The following MTMR4 variants were observed in gnomAD, a reference collection of about 807,000 sequenced individuals.
MTMR4 encodes the protein phosphatidylinositol-3,5-bisphosphate 3-phosphatase MTMR4.
In MTMR4, 30 loss-of-function variants were observed where a neutral mutation model predicts 125.5. The ratio of observed to expected loss-of-function variants is 0.24; its 90% CI spans 0.18 to 0.32. MTMR4 has a LOEUF of 0.32. Ranked by LOEUF, MTMR4 falls within the 10% of genes least tolerant of loss-of-function variation. The pLI is 1.00. For synonymous variants in MTMR4, 498 were observed against 564.5 expected, an observed-to-expected ratio of 0.88 and a Z score of 1.67; for missense variants, 1,039 against 1,511.5, an observed-to-expected ratio of 0.69 and a Z score of 5.18.
Position 58,504,234 on chromosome 17 carries a change from A to G in MTMR4, c.1528-14T>C. 1 of 1,603,322 alleles carries G rather than the reference A, an allele frequency of 6.2e-7. No individual in the cohort carries two copies. Among genetic ancestry groups the G allele is most frequent in the Non-Finnish European group, 8.5e-7 (1 of 1,171,920 alleles). On this transcript the variant is annotated splice_polypyrimidine_tract_variant and intron_variant, in intron 12 of 17. Coordinates refer to ENST00000682306, the MANE Select transcript of MTMR4 (RefSeq NM_001378067.1). This position sits in a 1 kb window ranked among gnomAD's most constrained non-coding sequence, Gnocchi z 7.1. ...CACCAGTTTTACCTAGAAAGCAGAG[A>G]GAGCTTGCACCTGGGGGCCTCGGGC...
At chr17:58,500,345 T>C (rs973977587) in intron 14 of MTMR4, among the ~76,000 whole-genome samples, 3 of 152,110 alleles carry the variant, frequency 2.0e-5, no homozygotes, top group African/African-American at 7.2e-5. Context: ...CAGGTTGGTC[T>C]CAAACTCCTG....
chr17:58,503,467 G>A (rs1975693450), intron 14 of MTMR4, among the ~76,000 whole-genome samples: 1 of 152,090 alleles, frequency 6.6e-6, no homozygotes, highest in Admixed American at 6.6e-5. Flanking sequence ...GGCCAACATG[G>A]TGAAACCCCA....
At position 58,508,290 on chromosome 17, in the gene MTMR4, G is replaced by A; in HGVS notation, c.594-16C>T. 1.2e-6 allele frequency: 2 copies of A among 1,608,736 alleles called. No individual in the cohort carries two copies. The highest frequency in any genetic ancestry group is 8.5e-7 in the Non-Finnish European group (1 of 1,175,130). On this transcript the variant is annotated splice_polypyrimidine_tract_variant and intron_variant, in intron 6 of 17. Coordinates refer to ENST00000682306, the MANE Select transcript of MTMR4 (RefSeq NM_001378067.1). The surrounding 1 kb of genome is among the most constrained non-coding windows in gnomAD (Gnocchi z 4.8). ...GGGGCACAATCTGAGAAGAGACCAG[G>A]TGGGGGTCACTGCACTGGGTCTAAA...
At position 58,496,266 on chromosome 17, in the gene MTMR4, G is replaced by A. The variant is rs1166622505; in HGVS notation, c.1918C>T (p.Arg640Cys). 4 of 1,613,804 alleles carry A rather than the reference G, an allele frequency of 2.5e-6. No individual in the cohort carries two copies. Among genetic ancestry groups the A allele is most frequent in the African/African-American group, 1.3e-5 (1 of 74,878 alleles). The change falls in exon 15 of 18, where the codon CGT becomes TGT. Residue 640 changes from arginine to cysteine, a missense_variant. By Grantham distance (180) the Arg-to-Cys change is radical (BLOSUM62 -3). This residue lies in a region of MTMR4 where 619 missense variants were observed against 714.5 expected (regional missense o/e 0.87). Transcript: ENST00000682306. ...SACDTSSPLTRTSSDPNLNNH... is the reference protein window; with the variant it reads ...SACDTSSPLTCTSSDPNLNNH... ...TTCAGGTTAGGGTCACTGGATGTAC[G>A]AGTCAGGGGGCTGCTTGTGTCACAG...
At chr17:58,516,494 G>T, upstream of MTMR4, 2 of 1,435,932 alleles carry the variant, frequency 1.4e-6, no homozygotes, top group Non-Finnish European at 2.0e-6. Context: ...TGGAGCTCAA[G>T]GTCTAGGACA....
chr17:58,494,425 G>A (rs575794358), intron 15 of MTMR4, among the ~76,000 whole-genome samples: 1 of 151,998 alleles, frequency 6.6e-6, no homozygotes, highest in Non-Finnish European at 1.5e-5. Flanking sequence ...TGCCTTAAGG[G>A]TAAAATCCAA....
chr17:58,500,231 ATCC>A (rs1975584482), intron 14 of MTMR4, among the ~76,000 whole-genome samples: 1 of 151,970 alleles, frequency 6.6e-6, no homozygotes, highest in African/African-American at 2.4e-5. Flanking sequence ...GGAGCAAACA[ATCC>A]TCCTACGTCA....
rs1177800120 is a variant in MTMR4, at chr17:58,496,214, C to A, written c.1970G>T (p.Gly657Val). ...AGGATTGCTGTGCCAGGGCTCCAGG[C>A]CTACCCTGACCTCCTGACAGTGGTT... ...LNNHCQEVRV[G>V]LEPWHSNPEG... Residue 657 changes from glycine (G) to valine (V), a missense_variant, in exon 15 of 18, where the codon GGC (glycine) becomes GTC (valine). Gly to Val is a moderately radical substitution (Grantham distance 109, BLOSUM62 -3). Around this residue, in one of 6 missense-constraint regions of MTMR4, gnomAD observed 619 missense variants for 714.5 expected, o/e 0.87. Transcript: ENST00000682306. The A allele has an allele frequency of 2.5e-6, 4 of 1,614,064 alleles. No individual in the cohort carries two copies. Among genetic ancestry groups the A allele is most frequent in the Non-Finnish European group, 3.4e-6 (4 of 1,180,038 alleles).
intron 14 of MTMR4, among the ~76,000 whole-genome samples, chr17:58,500,747 CAAAA>C (rs60355286): frequency 2.2e-5 from 2 of 92,182 alleles, no homozygotes; most frequent in Non-Finnish European, 2.1e-5. Context: ...GATTCTGTCT[CAAAA>C]AAAAAAAAAA....
upstream of MTMR4, among the ~76,000 whole-genome samples, chr17:58,516,990 G>C (rs976065011): frequency 3.9e-5 from 6 of 152,228 alleles, no homozygotes; most frequent in African/African-American, 1.4e-4. Context: ...CTCATTTTAG[G>C]CCCTGACTCT....
Position 58,496,167 on chromosome 17 carries a change from C to A in MTMR4, c.2017G>T (p.Val673Leu). The change falls in exon 15 of 18, where the codon GTG (valine) becomes TTG (leucine). Residue 673 changes from valine to leucine, a missense_variant. This residue lies in a region of MTMR4 where 619 missense variants were observed against 714.5 expected (regional missense o/e 0.87). Transcript: ENST00000682306. Reference sequence around the variant, plus strand: ...TGAGGCCCTCCTACCCCAGAGTCCACAAAGCTTGTCTCTGATCCCTCAGGA... The same window carrying A: ...TGAGGCCCTCCTACCCCAGAGTCCAAAAAGCTTGTCTCTGATCCCTCAGGA... ...SNPEGSETSF[V>L]DSGVGGPQQT... is the part of the protein sequence containing the mutation. 2.5e-6 allele frequency: 4 copies of A among 1,614,194 alleles called. No individual in the cohort carries two copies. In the African/African-American group the frequency reaches 4.0e-5, roughly 16 times the overall value.
chr17:58,510,128 G>A (rs948748520), intron 4 of MTMR4, among the ~76,000 whole-genome samples: 7 of 152,154 alleles, frequency 4.6e-5, no homozygotes, highest in African/African-American at 1.2e-4. Context: ...CAATATAGCA[G>A]CCAGTGTGAT....
At chr17:58,499,842 G>A (rs991592240) in intron 14 of MTMR4, among the ~76,000 whole-genome samples, 5 of 150,076 alleles carry the variant, frequency 3.3e-5, no homozygotes, top group Non-Finnish European at 7.4e-5. Context: ...GTGTTAGCCA[G>A]GATGGTCTTG....
chr17:58,505,893 C>T (rs1298523446), intron 9 of MTMR4, among the ~76,000 whole-genome samples: 1 of 152,024 alleles, frequency 6.6e-6, no homozygotes, highest in African/African-American at 2.4e-5. Context: ...GGCGACAGAG[C>T]GAGACTCCGT....
Position 58,512,732 on chromosome 17 carries a change from C to A in MTMR4, c.135+120G>T. The A allele has an allele frequency of 2.2e-6, 2 of 916,832 alleles. No individual in the cohort carries two copies. Among genetic ancestry groups the A allele is most frequent in the South Asian group, 3.1e-5 (2 of 65,514 alleles). The allele number at this position is 916,832 out of a possible 1,614,324, so 56.8% of individuals were successfully genotyped here. A position where few individuals can be genotyped will look rare whatever the true frequency, so the allele number is the denominator to read the frequency against. On this transcript the variant is annotated intron_variant, in intron 2 of 17. Coordinates refer to ENST00000682306, the MANE Select transcript of MTMR4 (RefSeq NM_001378067.1). This position sits in a 1 kb window ranked among gnomAD's most constrained non-coding sequence, Gnocchi z 4.1. ...CAGACAAACCCTCCTCCTCCAGAGA[C>A]CAGGGAACATGAAGCCAGAGCTCTG...
Position 58,512,746 on chromosome 17 carries a change from G to T in MTMR4, c.135+106C>A. On this transcript the variant is annotated intron_variant, in intron 2 of 17. Coordinates refer to ENST00000682306, the MANE Select transcript of MTMR4 (RefSeq NM_001378067.1). The surrounding 1 kb of genome is among the most constrained non-coding windows in gnomAD (Gnocchi z 4.1). ...TCCTCCAGAGACCAGGGAACATGAAGCCAGAGCTCTGGTACCAGATGCCCT... is the reference window on the plus strand; with the variant it reads ...TCCTCCAGAGACCAGGGAACATGAATCCAGAGCTCTGGTACCAGATGCCCT... 9.9e-7 allele frequency: 1 copy of T among 1,005,660 alleles called. No individual in the cohort carries two copies. Among genetic ancestry groups the T allele is most frequent in the Non-Finnish European group, 1.5e-6 (1 of 654,970 alleles). The allele number at this position is 1,005,660 out of a possible 1,614,324, so 62.3% of individuals were successfully genotyped here. A position where few individuals can be genotyped will look rare whatever the true frequency, so the allele number is the denominator to read the frequency against.
upstream of MTMR4, among the ~76,000 whole-genome samples, chr17:58,517,512 AGAGGT>A (rs2042033951): frequency 2.0e-5 from 3 of 152,376 alleles, no homozygotes; most frequent in Admixed American, 6.5e-5. Flanking sequence ...GAGGCAAGCC[AGAGGT>A]GCTGCCTCAC....
chr17:58,514,675 A>T (rs1424994987), upstream of MTMR4: 28 of 984,952 alleles, frequency 2.8e-5, no homozygotes, highest in Non-Finnish European at 3.4e-5. Flanking sequence ...CGCGGCGGGA[A>T]GGCGGAGGTA....
upstream of MTMR4, among the ~76,000 whole-genome samples, chr17:58,515,928 C>G (rs1224747655): frequency 2.0e-5 from 3 of 152,206 alleles, no homozygotes; most frequent in Admixed American, 6.5e-5. Flanking sequence ...TAGGCCTTTC[C>G]CATCTCACTG....
Sources: allele counts gnomAD v4.1 joint callset (sites outside exome capture counted in the v4.1 genomes callset), GRCh38; gene constraint gnomAD v4.1.1; regional missense constraint gnomAD v4.1.1; non-coding constraint Gnocchi (gnomAD v3.1); transcripts MANE v1.5; gene names NCBI Gene and HGNC (gene_info 2026-07-23, HGNC 2026-07-21).